Variants in LRFN5 observed in about 807,000 individuals in gnomAD.
The protein encoded by LRFN5 is leucine-rich repeat and fibronectin type-III domain-containing protein 5.
A neutral mutation model predicts 45.6 loss-of-function variants in LRFN5; 24 were observed. That is an observed-to-expected ratio of 0.53 (90% CI 0.38 to 0.74). The LOEUF (loss-of-function observed/expected upper bound fraction) is 0.74, where lower values mean the gene tolerates loss of function less well. LRFN5 is among the 30% of genes least tolerant of loss of function. The pLI, the probability that LRFN5 is intolerant of heterozygous loss-of-function variation, is 0.00. For missense variants in LRFN5, 776 were observed against 861.5 expected (o/e 0.90, Z 1.24); for synonymous variants, 340 against 313.8 (o/e 1.08, Z -0.88).
At chr14:41,693,380 T>C (rs1882466136) in intron 1 of LRFN5, among the ~76,000 whole-genome samples, 1 of 152,118 alleles carries the variant, frequency 6.6e-6, no homozygotes, top group Non-Finnish European at 1.5e-5. Context: ...TTCCATTTGC[T>C]TTTATTATGG....
At chr14:41,646,718 G>A (rs1159505351) in intron 1 of LRFN5, among the ~76,000 whole-genome samples, 2 of 152,056 alleles carry the variant, frequency 1.3e-5, no homozygotes, top group Admixed American at 6.6e-5. Flanking sequence ...CATTTATTGA[G>A]CATTCATGCT....
At position 41,790,927 on chromosome 14, in the gene LRFN5, C is replaced by G. The variant is rs368331648; in HGVS notation, c.-21+23898C>G. Among the ~76,000 whole-genome samples the G allele has an allele frequency of 4.6e-4, 70 of 151,690 alleles. 1 individual carries two copies. The South Asian group carries it at 0.013, about 28-fold the overall frequency. On this transcript the variant is annotated intron_variant, in intron 2 of 5. Coordinates refer to ENST00000298119, the MANE Select transcript of LRFN5 (RefSeq NM_152447.5). ...TCAGCTGTTAATTATGTGACTAAAT[C>G]CTTTATATACTTAATGTCTTTTTTC...
intron 1 of LRFN5, among the ~76,000 whole-genome samples, chr14:41,686,789 C>T (rs1882143717): frequency 6.6e-6 from 1 of 152,114 alleles, no homozygotes; most frequent in Non-Finnish European, 1.5e-5. Flanking sequence ...TTGAAGCAGT[C>T]TTGCATCCCA....
At chr14:41,799,773 G>T (rs1193569336) in intron 2 of LRFN5, among the ~76,000 whole-genome samples, 2 of 152,002 alleles carry the variant, frequency 1.3e-5, no homozygotes, top group East Asian at 3.9e-4. Context: ...ATTGGAAGTT[G>T]AGGAAGTGTG....
chr14:41,793,338 C>G (rs1449291907), intron 2 of LRFN5, among the ~76,000 whole-genome samples: 2 of 151,928 alleles, frequency 1.3e-5, no homozygotes, highest in Non-Finnish European at 2.9e-5. Context: ...AGATAAAATG[C>G]ACTCTGTGCA....
chr14:41,759,448 T>TCTACACAC (rs1491235053), intron 1 of LRFN5, among the ~76,000 whole-genome samples: 22 of 109,744 alleles, frequency 2.0e-4, no homozygotes, highest in East Asian at 1.1e-3. Context: ...TCTCTCTCTC[T>TCTACACAC]ACACACACAC....
chr14:41,894,959 A>T, intron 4 of LRFN5: 2 of 978,012 alleles, frequency 2.0e-6, no homozygotes, highest in Non-Finnish European at 2.4e-6. Flanking sequence ...CTATATGAAG[A>T]TTATATATAC....
chr14:41,805,990 T>G (rs1887512899), intron 2 of LRFN5, among the ~76,000 whole-genome samples: 1 of 152,176 alleles, frequency 6.6e-6, no homozygotes, highest in Non-Finnish European at 1.5e-5. Context: ...GATCTGCAGT[T>G]GCAAATTTCC....
At chr14:41,757,335 G>T (rs951912499) in intron 1 of LRFN5, among the ~76,000 whole-genome samples, 2 of 152,194 alleles carry the variant, frequency 1.3e-5, no homozygotes, top group Non-Finnish European at 2.9e-5. Flanking sequence ...CTTTTGTTTG[G>T]CTATGCCCTG....
Position 41,904,180 on chromosome 14 carries a change from C to A in LRFN5, c.*5C>A. On this transcript the variant is annotated 3_prime_UTR_variant, in exon 6 of 6. Transcript: ENST00000298119. ...CAGAGGCTGGAGTTAATCTGAAGAGCACCACTTCTCCTCTCTCTCCTGAAA... is the reference window on the plus strand; with the variant it reads ...CAGAGGCTGGAGTTAATCTGAAGAGAACCACTTCTCCTCTCTCTCCTGAAA... 3 of 1,607,954 alleles carry A rather than the reference C, an allele frequency of 1.9e-6. No homozygotes were observed. The highest frequency in any genetic ancestry group is 2.5e-6 in the Non-Finnish European group (3 of 1,178,136).
intron 1 of LRFN5, among the ~76,000 whole-genome samples, chr14:41,638,855 ATTC>A (rs1001900177): frequency 7.9e-5 from 12 of 152,142 alleles, no homozygotes; most frequent in African/African-American, 2.4e-4. Flanking sequence ...TTTTAAAAAT[ATTC>A]TTCTAGAAAT....
chr14:41,735,604 T>A (rs1884393811), intron 1 of LRFN5, among the ~76,000 whole-genome samples: 1 of 152,232 alleles, frequency 6.6e-6, no homozygotes. Flanking sequence ...TTAGTTTTAC[T>A]AATTTTTATT....
At chr14:41,863,644 AT>A (rs1330321011) in intron 2 of LRFN5, among the ~76,000 whole-genome samples, 1 of 152,202 alleles carries the variant, frequency 6.6e-6, no homozygotes, top group Admixed American at 6.5e-5. Context: ...AATAAATACA[AT>A]TCTTTGAAAT....
In LRFN5 at chr14:41,704,430, C is replaced by CTGTGTGTG. The variant is rs1265063122; in HGVS notation, c.-196-62423_-196-62422insGTGTGTGT. 5.5e-4 allele frequency among the ~76,000 whole-genome samples: 22 copies of CTGTGTGTG among 40,118 alleles called. No homozygotes were observed. In the East Asian group the frequency reaches 0.023, roughly 41 times the overall value. The allele number at this position is 40,118 out of a possible 152,430, so 26.3% of individuals were successfully genotyped here. On this transcript the variant is annotated intron_variant, in intron 1 of 5. Coordinates refer to ENST00000298119, the MANE Select transcript of LRFN5 (RefSeq NM_152447.5). Reference sequence around the variant, plus strand: ...CTTTTCTCTCTCTCTCTCTCTCTCTCTCTCTCTCTCTCTCTCTCTGTGTGT... The same window carrying CTGTGTGTG: ...CTTTTCTCTCTCTCTCTCTCTCTCTCTGTGTGTGTCTCTCTCTCTCTCTCTCTGTGTGT...
chr14:41,635,860 A>C (rs1879282619), intron 1 of LRFN5, among the ~76,000 whole-genome samples: 1 of 152,130 alleles, frequency 6.6e-6, no homozygotes, highest in Non-Finnish European at 1.5e-5. Context: ...TATTAGATCC[A>C]GAATCTGTCC....
chr14:41,775,407 T>C (rs908070269), intron 2 of LRFN5, among the ~76,000 whole-genome samples: 2 of 152,158 alleles, frequency 1.3e-5, no homozygotes, highest in Non-Finnish European at 2.9e-5. Flanking sequence ...TTTAAGCAAC[T>C]ATTTTTTATA....
chr14:41,743,842 TA>T lies in LRFN5; in HGVS notation c.-196-23008del, dbSNP rs1488242108. On this transcript the variant is annotated intron_variant, in intron 1 of 5. Transcript: ENST00000298119. Reference sequence around the variant, plus strand: ...AATTAAACATAAATTAATAAAATTTTAAAAGAAATATATTCGTTTGTACTTT... The same window carrying T: ...AATTAAACATAAATTAATAAAATTTTAAAGAAATATATTCGTTTGTACTTT... Among the ~76,000 whole-genome samples the T allele has an allele frequency of 1.3e-4, 20 of 152,244 alleles. 2 individuals are homozygous for T. In the South Asian group the frequency reaches 3.9e-3, roughly 30 times the overall value.
chr14:41,794,546 T>C, intron 2 of LRFN5, among the ~76,000 whole-genome samples: 1 of 152,042 alleles, frequency 6.6e-6, no homozygotes, highest in East Asian at 1.9e-4. Context: ...AACAGGAGTG[T>C]AGCCTTCATA....
intron 2 of LRFN5, among the ~76,000 whole-genome samples, chr14:41,868,287 A>G (rs796335116): frequency 6.6e-6 from 1 of 152,106 alleles, no homozygotes; most frequent in Non-Finnish European, 1.5e-5. Flanking sequence ...ATATTTGGCT[A>G]GTGGAAAGAA....
Sources: gnomAD v4.1 joint callset for allele counts (sites outside exome capture counted in the v4.1 genomes callset) on GRCh38, gnomAD v4.1.1 for gene constraint, MANE v1.5 for transcripts, NCBI Gene and HGNC (gene_info 2026-07-23, HGNC 2026-07-21) for gene names.